Variants in ZHX3 observed in about 807,000 individuals in gnomAD.
The protein encoded by ZHX3 is zinc fingers and homeoboxes 3.
In ZHX3, 20 loss-of-function variants were observed where a neutral mutation model predicts 64.5. That is an observed-to-expected ratio of 0.31 (90% confidence interval 0.22 to 0.45). The LOEUF (loss-of-function observed/expected upper bound fraction) is 0.45. Ranked by LOEUF, ZHX3 falls within the 20% of genes least tolerant of loss-of-function variation. The pLI is 1.00. For missense variants in ZHX3, 1,041 were observed against 1,195.8 expected (o/e 0.87, Z 1.91); for synonymous variants, 423 against 461.6 (o/e 0.92, Z 1.07).
intron 2 of ZHX3, among the ~76,000 whole-genome samples, chr20:41,262,133 T>C (rs2042591929): frequency 6.6e-6 from 1 of 152,350 alleles, no homozygotes. Flanking sequence ...CCATCATCAC[T>C]GCTATCTCCT....
At chr20:41,247,237 CA>C (rs2041751449) in intron 2 of ZHX3, among the ~76,000 whole-genome samples, 1 of 152,340 alleles carries the variant, frequency 6.6e-6, no homozygotes, top group South Asian at 2.1e-4. Context: ...CACCGCACTC[CA>C]GCCTGGGTGA....
intron 1 of ZHX3, among the ~76,000 whole-genome samples, chr20:41,303,270 C>A (rs933223469): frequency 2.6e-5 from 4 of 152,186 alleles, no homozygotes; most frequent in African/African-American, 7.2e-5. Context: ...ATCAGACACA[C>A]TGAACTAAGG....
At chr20:41,309,441 G>A (rs1226744798) in intron 1 of ZHX3, among the ~76,000 whole-genome samples, 3 of 152,104 alleles carry the variant, frequency 2.0e-5, no homozygotes, top group Non-Finnish European at 1.5e-5. Flanking sequence ...CAGTGGGCCC[G>A]GGATAGAGCC....
intron 2 of ZHX3, among the ~76,000 whole-genome samples, chr20:41,231,188 AT>A (rs557309864): frequency 3.3e-5 from 5 of 151,834 alleles, no homozygotes; most frequent in Non-Finnish European, 7.4e-5. Flanking sequence ...ATTGCTTTTT[AT>A]TTTTTGACTT....
At chr20:41,252,877 G>T (rs6072317) in intron 2 of ZHX3, among the ~76,000 whole-genome samples, 21,016 of 152,164 alleles carry the variant, frequency 0.14, 1,665 homozygotes, top group Non-Finnish European at 0.17. Flanking sequence ...CTGGCCAGGA[G>T]TCTGTTATAT....
intron 1 of ZHX3, among the ~76,000 whole-genome samples, chr20:41,297,376 C>G (rs2146787464): frequency 6.6e-6 from 1 of 152,310 alleles, no homozygotes; most frequent in East Asian, 1.9e-4. Context: ...ACAAGAAGTT[C>G]TAGGCACCCC....
chr20:41,195,273 A>G lies in ZHX3; in HGVS notation c.2860+6784T>C, dbSNP rs2037392612. ...TGGCACTACAGGAACATGCCACCAC[A>G]CCTGGCTTATTTTTTACTTTTTTGT... On this transcript the variant is annotated intron_variant, in intron 3 of 3. Transcript: ENST00000683867. This position sits in a 1 kb window ranked among gnomAD's most constrained non-coding sequence, Gnocchi z 4.2. Among the ~76,000 whole-genome samples the G allele has an allele frequency of 6.6e-6, 1 of 151,946 alleles. No homozygotes were observed. Among genetic ancestry groups the G allele is most frequent in the African/African-American group, 2.4e-5 (1 of 41,372 alleles).
At position 41,202,097 on chromosome 20, in the gene ZHX3, C is replaced by A. The variant is rs774213988; in HGVS notation, c.2820G>T (p.Glu940Asp). 1.2e-6 allele frequency: 2 copies of A among 1,612,468 alleles called. No homozygotes were observed. Among genetic ancestry groups the A allele is most frequent in the Admixed American group, 3.3e-5 (2 of 59,926 alleles). The change falls in exon 3 of 4, where the codon GAG becomes GAT. Residue 940 changes from glutamate to aspartate, a missense_variant. Coordinates refer to ENST00000683867, the MANE Select transcript of ZHX3 (RefSeq NM_001384317.1). The surrounding 1 kb of genome is among the most constrained non-coding windows in gnomAD (Gnocchi z 7.0). ...WEPRVPEASS[E>D]PFDTSSPQAG... The stretch of plus-strand genomic sequence containing the variant: ...CCTGGGGACTCGATGTGTCAAAGGG[C>A]TCTGAGCTGGCCTCAGGGACACGGG...
chr20:41,289,141 A>G (rs1324361455), intron 1 of ZHX3, among the ~76,000 whole-genome samples: 1 of 151,796 alleles, frequency 6.6e-6, no homozygotes, highest in Non-Finnish European at 1.5e-5. Flanking sequence ...ATAGGCATTC[A>G]TGTCATGTCC....
chr20:41,251,760 T>C (rs1009724983), intron 2 of ZHX3, among the ~76,000 whole-genome samples: 5 of 152,166 alleles, frequency 3.3e-5, no homozygotes, highest in African/African-American at 1.2e-4. Flanking sequence ...ATTATGCTTA[T>C]CATTTTTGAT....
chr20:41,197,301 TAA>T (rs1029511470), intron 3 of ZHX3: 7 of 146,186 alleles, frequency 4.8e-5, no homozygotes, highest in Non-Finnish European at 1.1e-4. Flanking sequence ...ATTTTATATA[TAA>T]TTGTATATAT....
intron 1 of ZHX3, among the ~76,000 whole-genome samples, chr20:41,291,069 G>A (rs1411989714): frequency 1.3e-5 from 2 of 152,180 alleles, no homozygotes; most frequent in African/African-American, 4.8e-5. Context: ...CAATTACAAA[G>A]TAATTGGGGA....
At chr20:41,223,434 A>C (rs923583170) in intron 2 of ZHX3, among the ~76,000 whole-genome samples, 4 of 152,240 alleles carry the variant, frequency 2.6e-5, no homozygotes, top group Non-Finnish European at 5.9e-5. Flanking sequence ...GAGATAATCA[A>C]ATCAATTATG....
chr20:41,245,420 C>T (rs1370587493), intron 2 of ZHX3, among the ~76,000 whole-genome samples: 5 of 152,222 alleles, frequency 3.3e-5, no homozygotes, highest in Non-Finnish European at 5.9e-5. Flanking sequence ...GGGCTCTAAT[C>T]TGTGTCAGGT....
At chr20:41,242,497 G>A (rs766503228) in intron 2 of ZHX3, among the ~76,000 whole-genome samples, 4 of 152,206 alleles carry the variant, frequency 2.6e-5, no homozygotes, top group Non-Finnish European at 5.9e-5. Context: ...ATCAAAGAAT[G>A]CAAATAGGGT....
chr20:41,254,272 G>A (rs55901324), intron 2 of ZHX3, among the ~76,000 whole-genome samples: 11 of 152,222 alleles, frequency 7.2e-5, no homozygotes, highest in African/African-American at 2.2e-4. Context: ...ACACGTACTA[G>A]GCACACACTC....
chr20:41,295,001 C>T (rs1158705141), intron 1 of ZHX3, among the ~76,000 whole-genome samples: 1 of 152,188 alleles, frequency 6.6e-6, no homozygotes, highest in African/African-American at 2.4e-5. Flanking sequence ...GCGCCCAGCC[C>T]ACATTAATAT....
chr20:41,196,397 ATATATTATATATTATATATAAT>A (rs1372559911), intron 3 of ZHX3, among the ~76,000 whole-genome samples: 1 of 41,144 alleles, frequency 2.4e-5, no homozygotes, highest in South Asian at 7.3e-4. Context: ...ATATATTTAT[ATATATTATATATTATATATAAT>A]ATATATTTAT....
intron 3 of ZHX3, chr20:41,188,589 T>A (rs2036737879): frequency 6.6e-6 from 1 of 152,124 alleles, no homozygotes; most frequent in Non-Finnish European, 1.5e-5. Context: ...TTTGTAGAGA[T>A]GGGGTTTCAC....
Sources: gnomAD v4.1 joint callset for allele counts (sites outside exome capture counted in the v4.1 genomes callset) on GRCh38, gnomAD v4.1.1 for gene constraint, Gnocchi (gnomAD v3.1) non-coding constraint, MANE v1.5 for transcripts, NCBI Gene and HGNC (gene_info 2026-07-23, HGNC 2026-07-21) for gene names.